Variants in PPP1R37 observed in about 807,000 individuals in gnomAD.
PPP1R37 encodes leucine rich repeat containing 68.
Under a neutral mutation model 61.0 loss-of-function variants are expected in PPP1R37, and 21 were observed. That is an observed-to-expected ratio of 0.34 (90% CI 0.24 to 0.50). The LOEUF is 0.50. Among genes scored for constraint, PPP1R37 ranks in the 20% least tolerant of loss-of-function variants. The pLI, the probability that PPP1R37 is intolerant of heterozygous loss-of-function variation, is 0.98. For synonymous variants in PPP1R37, 443 were observed against 433.5 expected (o/e 1.02, Z -0.27); for missense variants, 910 against 952.7 (o/e 0.96, Z 0.59).
rs577276711 is a variant in PPP1R37 at position 45,143,960 on chromosome 19, C to T, written c.987+327C>T. The T allele has an allele frequency of 1.0e-4, 18 of 180,048 alleles. 1 individual carries two copies. In the East Asian group the frequency reaches 2.6e-3, roughly 26 times the overall value. 11.2% of individuals were successfully genotyped at this position (180,048 alleles called of 1,614,324 possible). ...GTTCAAGCCATTCTTCTGCCTCAGC[C>T]TCCCAAGTAGCTGGGACTACAGGTG... On this transcript the variant is annotated intron_variant, in intron 8 of 12. Coordinates refer to ENST00000221462, the MANE Select transcript of PPP1R37 (RefSeq NM_019121.2).
intron 1 of PPP1R37, among the ~76,000 whole-genome samples, chr19:45,111,514 G>A (rs1968200432): frequency 6.6e-6 from 1 of 152,202 alleles, no homozygotes; most frequent in African/African-American, 2.4e-5. Context: ...GACCTCAGGT[G>A]ATCCGCCTGC....
chr19:45,141,993 T>C, intron 5 of PPP1R37, 68 bp from the exon 6 acceptor site: 1 of 1,187,346 alleles, frequency 8.4e-7, no homozygotes, highest in Non-Finnish European at 1.1e-6. Flanking sequence ...GCTGGGGCGG[T>C]CCTGGGGCCA....
In PPP1R37 at chr19:45,121,118, C is replaced by T. The variant is rs972630546; in HGVS notation, c.203-17396C>T. The stretch of plus-strand genomic sequence containing the variant: ...AGTGGGCGCAAAGTTACGGCTCCAC[C>T]GGTAAAGCACAGTAGAAGGGCCCCA... On this transcript the variant is annotated intron_variant, in intron 1 of 12. Coordinates refer to ENST00000221462, the MANE Select transcript of PPP1R37 (RefSeq NM_019121.2). The surrounding 1 kb of genome is among the most constrained non-coding windows in gnomAD (Gnocchi z 4.2). 8.5e-5 allele frequency among the ~76,000 whole-genome samples: 13 copies of T among 152,300 alleles called. No homozygotes were observed. The South Asian group carries it at 1.2e-3, about 15-fold the overall frequency.
At chr19:45,129,402 A>C (rs1183663084) in intron 1 of PPP1R37, among the ~76,000 whole-genome samples, 1 of 152,102 alleles carries the variant, frequency 6.6e-6, no homozygotes. Flanking sequence ...TGGGTTAAGC[A>C]GTTCTCCTGC....
At chr19:45,102,265 C>T (rs573689055) in intron 1 of PPP1R37, among the ~76,000 whole-genome samples, 1 of 152,342 alleles carries the variant, frequency 6.6e-6, no homozygotes, top group South Asian at 2.1e-4. Context: ...GATTCTAAAA[C>T]ACGTCTGGCC....
intron 1 of PPP1R37, among the ~76,000 whole-genome samples, chr19:45,113,509 C>T (rs1161813965): frequency 6.6e-6 from 1 of 152,232 alleles, no homozygotes; most frequent in Non-Finnish European, 1.5e-5. Context: ...TCACTCCTGG[C>T]AGCCAGAGCC....
rs72048408 is a variant in PPP1R37 at position 45,111,258 on chromosome 19, A to AATT, written c.202+17756_202+17758dup. ...CTCTTCTCCCTCCCTTCTGCTTTTT[A>AATT]ATTATTATTATTATTATTATTATTA... On this transcript the variant is annotated intron_variant, in intron 1 of 12. Coordinates refer to ENST00000221462, the MANE Select transcript of PPP1R37 (RefSeq NM_019121.2). Among the ~76,000 whole-genome samples, 938 of 149,332 alleles carry AATT rather than the reference A, an allele frequency of 6.3e-3. 3 individuals carry two copies. Among genetic ancestry groups the AATT allele is most frequent in the South Asian group, 0.031 (145 of 4,688 alleles).
In PPP1R37 at chr19:45,145,242, T is replaced by A; in HGVS notation, c.1278T>A (p.Arg426=). ...NHSLLRLDLD[R]EPKKEAVKSF... is the part of the protein sequence containing the mutation. ...CACTGCTGCGCCTGGACCTCGACCG[T>A]GAACCCAAGAAAGAGGCGGTGAGCA... Residue 426 remains arginine (R), a synonymous_variant, in exon 10 of 13, where the codon CGT becomes CGA. Transcript: ENST00000221462. The A allele has an allele frequency of 6.5e-7, 1 of 1,533,056 alleles. No homozygotes were observed. The highest frequency in any genetic ancestry group is 8.7e-7 in the Non-Finnish European group (1 of 1,145,508). The allele number at this position is 1,533,056 out of a possible 1,614,324, so 95.0% of individuals were successfully genotyped here. A position where few individuals can be genotyped will look rare whatever the true frequency, so the allele number is the denominator to read the frequency against.
chr19:45,098,489 T>C (rs1968021944), intron 1 of PPP1R37, among the ~76,000 whole-genome samples: 1 of 152,154 alleles, frequency 6.6e-6, no homozygotes, highest in Non-Finnish European at 1.5e-5. Flanking sequence ...CACTCCCTGC[T>C]CCCTGACCAT....
intron 5 of PPP1R37, 22 bp downstream of exon 5, chr19:45,141,463 GGAAGAGGCAGCTCAGGCTCCC>G (rs1968610972): frequency 1.3e-6 from 1 of 754,876 alleles, no homozygotes; most frequent in Non-Finnish European, 1.9e-6. Context: ...TCGGCTTCCA[GGAAGAGGCAGCTCAGGCTCCC>G]AGCACGGGGA....
In PPP1R37 at chr19:45,146,057, G is replaced by T. The variant is rs1402597990; in HGVS notation, c.1993+8G>T. On this transcript the variant is annotated splice_region_variant and intron_variant, in intron 11 of 12. Coordinates refer to ENST00000221462, the MANE Select transcript of PPP1R37 (RefSeq NM_019121.2). ...GCTGCGGCCTGGAGCACGGTGAGAG[G>T]GGCCCTAGGGCAGGTGTTGAGGGGC... 2 of 1,517,626 alleles carry T rather than the reference G, an allele frequency of 1.3e-6. No homozygotes were observed. Among genetic ancestry groups the T allele is most frequent in the Non-Finnish European group, 1.8e-6 (2 of 1,136,364 alleles). 94.0% of individuals were successfully genotyped at this position (1,517,626 alleles called of 1,614,324 possible). A position where few individuals can be genotyped will look rare whatever the true frequency, so the allele number is the denominator to read the frequency against.
At chr19:45,093,646 G>A in intron 1 of PPP1R37, 119 bp downstream of exon 1, 1 of 689,536 alleles carries the variant, frequency 1.5e-6, no homozygotes, top group Non-Finnish European at 2.4e-6. Context: ...TGAATAAGGG[G>A]ACAGTCGTCA....
chr19:45,112,598 C>T (rs1296366596), intron 1 of PPP1R37, among the ~76,000 whole-genome samples: 8 of 152,178 alleles, frequency 5.3e-5, no homozygotes, highest in African/African-American at 1.9e-4. Context: ...TCCCTGCCCT[C>T]TAGTGGCCAG....
At chr19:45,098,399 G>A (rs1968020602) in intron 1 of PPP1R37, among the ~76,000 whole-genome samples, 1 of 152,234 alleles carries the variant, frequency 6.6e-6, no homozygotes, top group Admixed American at 6.5e-5. Context: ...AGGCATGTGA[G>A]AGGGACTTGT....
intron 11 of PPP1R37, 66 bp from the exon 12 acceptor site, chr19:45,146,324 G>T: frequency 7.0e-7 from 1 of 1,434,214 alleles, no homozygotes; most frequent in Non-Finnish European, 9.4e-7. Context: ...GGCTGGGGCC[G>T]GGCTGGGGAC....
At chr19:45,103,491 T>A (rs963063627) in intron 1 of PPP1R37, among the ~76,000 whole-genome samples, 2 of 152,154 alleles carry the variant, frequency 1.3e-5, no homozygotes, top group Non-Finnish European at 2.9e-5. Flanking sequence ...CACCCCTCCC[T>A]CTCTCCACGG....
chr19:45,142,565 C>T (rs911497468), intron 7 of PPP1R37, 107 bp downstream of exon 7: 19 of 1,173,084 alleles, frequency 1.6e-5, no homozygotes, highest in Middle Eastern at 2.2e-4. Context: ...ACCACCCCAA[C>T]GCTGTCCTGC....
At position 45,112,636 on chromosome 19, in the gene PPP1R37, C is replaced by T. The variant is rs79900563; in HGVS notation, c.202+19109C>T. ...GTGTTAGATGGTCCCTCTTTCAGGACGCCCCCAACCCCAAGTCTGGGTTAG... is the reference window on the plus strand; with the variant it reads ...GTGTTAGATGGTCCCTCTTTCAGGATGCCCCCAACCCCAAGTCTGGGTTAG... On this transcript the variant is annotated intron_variant, in intron 1 of 12. Transcript: ENST00000221462. 3.4e-3 allele frequency among the ~76,000 whole-genome samples: 520 copies of T among 152,272 alleles called. 2 individuals carry two copies. Among genetic ancestry groups the T allele is most frequent in the African/African-American group, 0.012 (481 of 41,534 alleles).
intron 1 of PPP1R37, among the ~76,000 whole-genome samples, chr19:45,103,135 G>A (rs1277295962): frequency 6.6e-6 from 1 of 152,238 alleles, no homozygotes; most frequent in East Asian, 1.9e-4. Context: ...GCCCTCCGCA[G>A]GGTCTCACAC....
Sources: allele counts gnomAD v4.1 joint callset (sites outside exome capture counted in the v4.1 genomes callset), GRCh38; gene constraint gnomAD v4.1.1; non-coding constraint Gnocchi (gnomAD v3.1); transcripts MANE v1.5; gene names NCBI Gene and HGNC (gene_info 2026-07-23, HGNC 2026-07-21).